Variants in UBA2 observed in about 807,000 individuals in gnomAD.
UBA2 encodes SUMO-activating enzyme subunit 2.
In UBA2, 11 loss-of-function variants were observed where a neutral mutation model predicts 77.2. That is an observed-to-expected ratio of 0.14 (90% CI 0.09 to 0.24). The LOEUF (loss-of-function observed/expected upper bound fraction) is 0.24, where lower values mean the gene tolerates loss of function less well. Ranked by LOEUF, UBA2 falls within the 10% of genes least tolerant of loss-of-function variation. The probability of loss-of-function intolerance (pLI) is 1.00; values close to 1 mark genes in which losing one functional copy is unlikely to be tolerated. For missense variants in UBA2, 487 were observed against 781.7 expected (o/e 0.62, Z 4.50); for synonymous variants, 278 against 276.7 (o/e 1.00, Z -0.05).
chr19:34,452,119 G>A lies in UBA2; in HGVS notation c.1010G>A (p.Gly337Glu), dbSNP rs954378965. 3 of 1,608,440 alleles carry A rather than the reference G, an allele frequency of 1.9e-6. No individual in the cohort carries two copies. The African/African-American group carries it at 4.0e-5, about 22-fold the overall frequency. The stretch of plus-strand genomic sequence containing the variant: ...TTGAGAGTTCATTTAGCAGAAAAGG[G>A]GGATGGAGCTGAGCTCATATGGGAT... ...ETLRVHLAEK[G>E]DGAELIWDKD... Residue 337 changes from glycine to glutamate, a missense_variant, in exon 10 of 17, where the codon GGG becomes GAG. Physicochemically the swap from Gly to Glu is moderately conservative, Grantham distance 98. Transcript: ENST00000246548.
At chr19:34,450,219 C>A (rs1368745797) in intron 8 of UBA2, 46 bp from the exon 9 acceptor site, 1 of 1,339,332 alleles carries the variant, frequency 7.5e-7, no homozygotes, top group Admixed American at 1.9e-5. Flanking sequence ...TGTATCTTAT[C>A]AATTAGGGAT....
chr19:34,453,800 A>G (rs1255554632), intron 10 of UBA2, among the ~76,000 whole-genome samples: 1 of 152,080 alleles, frequency 6.6e-6, no homozygotes, highest in African/African-American at 2.4e-5. Flanking sequence ...ATTGCTTGAG[A>G]CTACAGGCAT....
chr19:34,451,867 A>C, intron 9 of UBA2, 114 bp from the exon 10 acceptor site: 1 of 593,076 alleles, frequency 1.7e-6, no homozygotes, highest in Non-Finnish European at 2.6e-6. Context: ...ATTTTAATGG[A>C]ATTTATTTCA....
chr19:34,451,293 T>C (rs1463144949), intron 9 of UBA2, among the ~76,000 whole-genome samples: 3 of 152,162 alleles, frequency 2.0e-5, no homozygotes, highest in Non-Finnish European at 4.4e-5. Flanking sequence ...ATAGCACCCA[T>C]TGAAACTTAA....
At chr19:34,445,821 G>A (rs1416986648) in intron 8 of UBA2, among the ~76,000 whole-genome samples, 1 of 152,062 alleles carries the variant, frequency 6.6e-6, no homozygotes, top group Admixed American at 6.6e-5. Context: ...AACCCCATAA[G>A]CCCCTTTTTC....
At chr19:34,432,007 C>A in intron 3 of UBA2, 76 bp downstream of exon 3, 2 of 1,120,238 alleles carry the variant, frequency 1.8e-6, no homozygotes, top group African/African-American at 1.6e-5. Flanking sequence ...AGTCATTCAG[C>A]TTTTTTAAAA....
intron 8 of UBA2, among the ~76,000 whole-genome samples, chr19:34,445,626 C>T (rs922990882): frequency 1.3e-5 from 2 of 151,914 alleles, no homozygotes; most frequent in African/African-American, 2.4e-5. Context: ...TTAGTAGAAG[C>T]GGGGTCTCAC....
intron 6 of UBA2, among the ~76,000 whole-genome samples, 193 bp from the exon 7 acceptor site, chr19:34,443,651 A>C (rs917686976): frequency 6.6e-6 from 1 of 152,088 alleles, no homozygotes; most frequent in African/African-American, 2.4e-5. Context: ...CATGTTGGTC[A>C]GGCTGGTCTC....
At chr19:34,432,617 G>T (rs1305109070) in intron 3 of UBA2, among the ~76,000 whole-genome samples, 1 of 152,130 alleles carries the variant, frequency 6.6e-6, no homozygotes, top group Non-Finnish European at 1.5e-5. Flanking sequence ...GAGTACAGTG[G>T]CATGATCTTG....
chr19:34,447,127 A>C (rs996400256), intron 8 of UBA2, among the ~76,000 whole-genome samples: 4 of 152,106 alleles, frequency 2.6e-5, no homozygotes, highest in Admixed American at 2.0e-4. Flanking sequence ...AAACTGGAGA[A>C]TTTGGAGTCT....
chr19:34,434,407 C>T (rs2145493825), intron 4 of UBA2, among the ~76,000 whole-genome samples: 1 of 152,338 alleles, frequency 6.6e-6, no homozygotes, highest in South Asian at 2.1e-4. Context: ...TGAGCCAGTG[C>T]TCCTGGCGTG....
At position 34,458,909 on chromosome 19, in the gene UBA2, C is replaced by T. The variant is rs780633385; in HGVS notation, c.1386C>T (p.Leu462=). ...VRLNVHKVTV[L]TLQDKIVKEK... ...TGAATGTCCATAAAGTGACTGTTCT[C>T]ACCTTACAAGACAAGGTCAGTGCAA... The change falls in exon 13 of 17, where the codon CTC becomes CTT. Residue 462 remains leucine, a synonymous_variant. Transcript: ENST00000246548. The T allele has an allele frequency of 2.5e-6, 4 of 1,613,802 alleles. No homozygotes were observed. Among genetic ancestry groups the T allele is most frequent in the Non-Finnish European group, 3.4e-6 (4 of 1,179,892 alleles).
At chr19:34,466,828 C>T in intron 15 of UBA2, 50 bp from the exon 16 acceptor site, 1 of 1,569,644 alleles carries the variant, frequency 6.4e-7, no homozygotes, top group Non-Finnish European at 8.7e-7. Flanking sequence ...CTCTGGTGCT[C>T]CTTTGCTTTC....
chr19:34,461,122 C>A (rs1484849122), intron 14 of UBA2, among the ~76,000 whole-genome samples: 1 of 152,202 alleles, frequency 6.6e-6, no homozygotes, highest in East Asian at 1.9e-4. Flanking sequence ...TCAGACTGTA[C>A]TCGTTGATCC....
intron 12 of UBA2, among the ~76,000 whole-genome samples, chr19:34,457,472 T>G (rs1209714706): frequency 1.3e-5 from 2 of 151,924 alleles, no homozygotes. Context: ...AGCAATTGCT[T>G]TTATTATTGT....
intron 6 of UBA2, among the ~76,000 whole-genome samples, chr19:34,439,248 C>G (rs142750074): frequency 1.5e-3 from 231 of 150,114 alleles, no homozygotes; most frequent in Non-Finnish European, 1.9e-3. Context: ...GTTCAGGAAA[C>G]TTAGTCTTAT....
rs367637106 is a variant in UBA2 at position 34,452,087 on chromosome 19, C to T, written c.978C>T (p.Ile326=). ...ATGCACGTCTTTTTTCAAAGAGCAT[C>T]GAGACTTTGAGAGTTCATTTAGCAG... The part of the protein sequence containing the change: ...KSYARLFSKS[I]ETLRVHLAEK... The change falls in exon 10 of 17, where the codon ATC becomes ATT. Residue 326 remains isoleucine, a synonymous_variant. Transcript: ENST00000246548. 12 of 1,609,716 alleles carry T rather than the reference C, an allele frequency of 7.5e-6. No individual in the cohort carries two copies. Among genetic ancestry groups the T allele is most frequent in the East Asian group, 6.7e-5 (3 of 44,786 alleles).
At chr19:34,448,602 G>A (rs979706231) in intron 8 of UBA2, among the ~76,000 whole-genome samples, 3 of 152,162 alleles carry the variant, frequency 2.0e-5, no homozygotes, top group Admixed American at 6.5e-5. Flanking sequence ...GCTGTTCTCC[G>A]ATATAAGTGA....
chr19:34,432,131 A>C (rs982003198), intron 3 of UBA2, 200 bp downstream of exon 3: 7 of 375,716 alleles, frequency 1.9e-5, no homozygotes, highest in Non-Finnish European at 2.8e-5. Flanking sequence ...GAGATAGTTT[A>C]ATACTTTTAA....
Sources: allele counts gnomAD v4.1 joint callset (sites outside exome capture counted in the v4.1 genomes callset), GRCh38; gene constraint gnomAD v4.1.1; transcripts MANE v1.5; gene names NCBI Gene and HGNC (gene_info 2026-07-23, HGNC 2026-07-21).